GFRA2: variants seen among roughly 807,000 people sequenced by gnomAD.
The protein encoded by GFRA2 is GDNF family receptor alpha 2.
GFRA2 carries 17 observed loss-of-function variants against 48.3 expected under a neutral mutation model. The observed-to-expected ratio is 0.35, with a 90% CI of 0.24 to 0.53. The LOEUF (loss-of-function observed/expected upper bound fraction) is 0.53, where lower values mean the gene tolerates loss of function less well. GFRA2 is among the 20% of genes least tolerant of loss of function. The pLI, the probability that GFRA2 is intolerant of heterozygous loss-of-function variation, is 0.93. For missense variants in GFRA2, 660 were observed against 637.3 expected, an observed-to-expected ratio of 1.04 and a Z score of -0.38; for synonymous variants, 305 against 257.2, an observed-to-expected ratio of 1.19 and a Z score of -1.78.
intron 2 of GFRA2, among the ~76,000 whole-genome samples, chr8:21,780,427 T>C (rs1185439743): frequency 6.6e-6 from 1 of 152,068 alleles, no homozygotes; most frequent in African/African-American, 2.4e-5. Flanking sequence ...CCCCAGCACC[T>C]TCTCAGCTCC....
At chr8:21,726,099 C>T (rs1183183995) in intron 4 of GFRA2, among the ~76,000 whole-genome samples, 1 of 152,222 alleles carries the variant, frequency 6.6e-6, no homozygotes, top group Non-Finnish European at 1.5e-5. Flanking sequence ...CAGCACCTCC[C>T]TCTGCCAAGA....
intron 1 of GFRA2, among the ~76,000 whole-genome samples, chr8:21,805,812 C>T (rs917076445): frequency 2.0e-5 from 3 of 152,170 alleles, no homozygotes; most frequent in Admixed American, 6.5e-5. Context: ...TCATTAGGCG[C>T]CTAATGAATT....
At position 21,694,446 on chromosome 8, in the gene GFRA2, A is replaced by G. The variant is rs1251296225; in HGVS notation, c.1272+18T>C. 2.5e-6 allele frequency: 4 copies of G among 1,608,548 alleles called. No individual in the cohort carries two copies. The highest frequency in any genetic ancestry group is 2.2e-5 in the South Asian group (2 of 90,190). Reference sequence around the variant, plus strand: ...GGCCCAGCCTTCTGCACCCATCCCCACTCTGCCCCCAACTCACCTCTGTGA... The same window carrying G: ...GGCCCAGCCTTCTGCACCCATCCCCGCTCTGCCCCCAACTCACCTCTGTGA... On this transcript the variant is annotated intron_variant, in intron 8 of 8. Transcript: ENST00000524240.
chr8:21,779,280 A>G lies in GFRA2; in HGVS notation c.355+3305T>C, dbSNP rs76745140. Among the ~76,000 whole-genome samples the G allele has an allele frequency of 5.2e-3, 793 of 152,342 alleles. 48 individuals are homozygous for G. In the East Asian group the frequency reaches 0.13, roughly 26 times the overall value. On this transcript the variant is annotated intron_variant, in intron 2 of 8. Transcript: ENST00000524240. ...GGGGCCTTGAAAACCACACAGCAGC[A>G]TGCAGCTAAACGCACACAGCATCGT...
chr8:21,711,406 G>C (rs992316158), intron 4 of GFRA2, among the ~76,000 whole-genome samples: 7 of 152,312 alleles, frequency 4.6e-5, no homozygotes, highest in African/African-American at 1.4e-4. Flanking sequence ...CTGAGACCAA[G>C]CTAAGTCTGC....
chr8:21,790,080 T>C, upstream of GFRA2: 1 of 985,382 alleles, frequency 1.0e-6, no homozygotes, highest in Non-Finnish European at 1.2e-6. Flanking sequence ...CGGCGTGTTT[T>C]AGTCGCAGAA....
At chr8:21,728,055 T>C (rs1803970682) in intron 4 of GFRA2, among the ~76,000 whole-genome samples, 1 of 151,948 alleles carries the variant, frequency 6.6e-6, no homozygotes, top group Non-Finnish European at 1.5e-5. Context: ...TGTTAATAGA[T>C]GGTAGAAAGT....
intron 4 of GFRA2, among the ~76,000 whole-genome samples, chr8:21,721,190 T>C (rs1803576268): frequency 6.6e-6 from 1 of 152,170 alleles, no homozygotes; most frequent in Non-Finnish European, 1.5e-5. Context: ...GCAAAATGTA[T>C]CAATGTTTCA....
intron 4 of GFRA2, among the ~76,000 whole-genome samples, chr8:21,732,799 C>G (rs1018189946): frequency 6.6e-6 from 1 of 152,240 alleles, no homozygotes; most frequent in African/African-American, 2.4e-5. Flanking sequence ...CACTTAACCA[C>G]TTCAACACAT....
Position 21,702,929 on chromosome 8 carries a change from G to A in GFRA2, c.1094C>T (p.Pro365Leu). The A allele has an allele frequency of 6.3e-7, 1 of 1,579,504 alleles. No individual in the cohort carries two copies. Among genetic ancestry groups the A allele is most frequent in the Non-Finnish European group, 8.6e-7 (1 of 1,166,004 alleles). Reference sequence around the variant, plus strand: ...GGTGGCCTGGAACGAGGGGCCTTTTGGGGACACGTTCACGTCCGTGCCGTT... The same window carrying A: ...GGTGGCCTGGAACGAGGGGCCTTTTAGGGACACGTTCACGTCCGTGCCGTT... ...FGNGTDVNVSPKGPSFQATQA... is the reference protein window; with the variant it reads ...FGNGTDVNVSLKGPSFQATQA... Residue 365 changes from proline to leucine, a missense_variant, in exon 7 of 9, where the codon CCA (proline) becomes CTA (leucine). Physicochemically the swap from Pro to Leu is moderately conservative, Grantham distance 98 (BLOSUM62 -3). Coordinates refer to ENST00000524240, the MANE Select transcript of GFRA2 (RefSeq NM_001495.5).
At chr8:21,713,970 A>C (rs1385671193) in intron 4 of GFRA2, among the ~76,000 whole-genome samples, 1 of 152,206 alleles carries the variant, frequency 6.6e-6, no homozygotes, top group Non-Finnish European at 1.5e-5. Context: ...GAAAGCCCAC[A>C]GTTACGTGGC....
chr8:21,761,766 A>G (rs149022920), intron 3 of GFRA2, among the ~76,000 whole-genome samples: 2,506 of 152,168 alleles, frequency 0.016, 71 homozygotes, highest in African/African-American at 0.057. Context: ...CCTGGCCAAC[A>G]TGGTGAAACC....
upstream of GFRA2, among the ~76,000 whole-genome samples, chr8:21,793,826 C>G (rs1807620666): frequency 6.6e-6 from 1 of 151,844 alleles, no homozygotes; most frequent in South Asian, 2.1e-4. Flanking sequence ...TCCTCCCTTC[C>G]CTATCCACAA....
intron 4 of GFRA2, among the ~76,000 whole-genome samples, chr8:21,733,042 G>A (rs556693813): frequency 2.0e-5 from 3 of 152,328 alleles, no homozygotes; most frequent in African/African-American, 7.2e-5. Context: ...GCCTTGGGCT[G>A]TGAGTGCGAT....
In GFRA2 at chr8:21,788,045, C is replaced by G. The variant is rs1282101529; in HGVS notation, c.40+75G>C. ...CCCCGCCGACCTCCCGCCAGCCCCC[C>G]ACCGGCGCTCCGCTCGCCCCCCGCC... is the stretch of plus-strand genomic sequence containing the variant. On this transcript the variant is annotated intron_variant, in intron 1 of 8. Transcript: ENST00000524240. The G allele has an allele frequency of 9.1e-6, 6 of 662,864 alleles. No individual in the cohort carries two copies. The African/African-American group carries it at 9.7e-5, about 11-fold the overall frequency. The allele number at this position is 662,864 out of a possible 1,614,324, so 41.1% of individuals were successfully genotyped here.
intron 1 of GFRA2, among the ~76,000 whole-genome samples, 166 bp downstream of exon 1, chr8:21,787,954 C>T (rs1188895538): frequency 2.0e-5 from 3 of 151,886 alleles, no homozygotes; most frequent in Non-Finnish European, 4.4e-5. Context: ...CCCTCGTCCG[C>T]GTCCCTGCCG....
chr8:21,787,273 A>AGGGT (rs1585344097), intron 1 of GFRA2, among the ~76,000 whole-genome samples: 1 of 51,808 alleles, frequency 1.9e-5, no homozygotes, highest in Non-Finnish European at 3.7e-5. Flanking sequence ...CGGGGGGGGC[A>AGGGT]GTGGGGGGGG....
intron 2 of GFRA2, 37 bp from the exon 3 acceptor site, chr8:21,775,092 C>G (rs1806630146): frequency 5.7e-6 from 6 of 1,053,196 alleles, no homozygotes; most frequent in Non-Finnish European, 8.9e-6. Flanking sequence ...CGGGCTCCTC[C>G]GGGCCAGAGC....
At chr8:21,735,940 A>G (rs992817845) in intron 4 of GFRA2, among the ~76,000 whole-genome samples, 3 of 152,214 alleles carry the variant, frequency 2.0e-5, no homozygotes, top group Non-Finnish European at 2.9e-5. Flanking sequence ...GGTGTAAGCT[A>G]AAGCACCTGG....
Sources: allele counts gnomAD v4.1 joint callset (sites outside exome capture counted in the v4.1 genomes callset), GRCh38; gene constraint gnomAD v4.1.1; transcripts MANE v1.5; gene names NCBI Gene and HGNC (gene_info 2026-07-23, HGNC 2026-07-21).